Variants in SON observed in about 807,000 individuals in gnomAD.
SON encodes SON DNA and RNA binding protein, also known as protein SON.
SON carries 4 observed loss-of-function variants against 173.3 expected under a neutral mutation model. The observed-to-expected ratio is 0.02, with a 90% CI of 0.01 to 0.05. The LOEUF (loss-of-function observed/expected upper bound fraction) is 0.05. Among genes scored for constraint, SON ranks in the 10% least tolerant of loss-of-function variants. SON has a pLI of 1.00. For missense variants in SON, 2,626 were observed against 3,055.3 expected (o/e 0.86, Z 3.31); for synonymous variants, 1,190 against 1,105.9 (o/e 1.08, Z -1.51).
Position 33,559,729 on chromosome 21 carries a change from A to G in SON, c.6611A>G (p.Glu2204Gly). The change falls in exon 6 of 12, where the codon GAA (glutamate) becomes GGA (glycine). Residue 2204 changes from glutamate to glycine, a missense_variant. Glu to Gly is a moderately conservative substitution (Grantham distance 98). Around this residue, in one of 13 missense-constraint regions of SON, gnomAD observed 75 missense variants for 201.6 expected, o/e 0.37. Transcript: ENST00000356577. This position sits in a 1 kb window ranked among gnomAD's most constrained non-coding sequence, Gnocchi z 4.1. ...GTTCCTGTGGAGAAAAATGGTGAAG[A>G]AAACAAAGATGATGATAATGTTTTC... ...EWVPVEKNGE[E>G]NKDDDNVFSS... 1 of 1,614,192 alleles carries G rather than the reference A, an allele frequency of 6.2e-7. No homozygotes were observed. The highest frequency in any genetic ancestry group is 8.5e-7 in the Non-Finnish European group (1 of 1,180,022).
intron 1 of SON, among the ~76,000 whole-genome samples, chr21:33,544,656 C>T (rs545433465): frequency 6.6e-6 from 1 of 152,252 alleles, no homozygotes; most frequent in Admixed American, 6.5e-5. Context: ...TTTTGGACTT[C>T]TTCATGGCTG....
intron 6 of SON, among the ~76,000 whole-genome samples, chr21:33,562,887 A>C (rs543484956): frequency 2.6e-5 from 4 of 152,174 alleles, no homozygotes; most frequent in South Asian, 2.1e-4. Flanking sequence ...ATTAGTGTGG[A>C]GTTTTCATGG....
intron 2 of SON, 41 bp from the exon 3 acceptor site, chr21:33,549,435 T>A: frequency 6.7e-7 from 1 of 1,481,744 alleles, no homozygotes; most frequent in South Asian, 1.4e-5. Context: ...CTAACTCTAC[T>A]TTGGGGAATG....
intron 6 of SON, among the ~76,000 whole-genome samples, chr21:33,561,380 T>G (rs993425528): frequency 2.8e-4 from 42 of 152,306 alleles, no homozygotes; most frequent in African/African-American, 9.4e-4. Context: ...ACAGGCTTAC[T>G]TAGAAATCCT....
intron 6 of SON, among the ~76,000 whole-genome samples, chr21:33,565,123 G>C (rs1023765912): frequency 6.6e-6 from 1 of 152,112 alleles, no homozygotes; most frequent in Non-Finnish European, 1.5e-5. Context: ...TAGGTTAAAC[G>C]TTTAATAAAG....
In SON at chr21:33,545,519, T is replaced by C. The variant is rs145971263; in HGVS notation, c.78-694T>C. Among the ~76,000 whole-genome samples the C allele has an allele frequency of 2.6e-3, 402 of 152,370 alleles. 19 individuals carry two copies. In the East Asian group the frequency reaches 0.062, roughly 24 times the overall value. On this transcript the variant is annotated intron_variant, in intron 1 of 11. Transcript: ENST00000356577. ...AGTAAAAATTACTGGGCGAATGATA[T>C]GTTCTTACCTATTTAAAAATTTCTC...
In SON at chr21:33,554,694, A is replaced by G. The variant is rs2085918301; in HGVS notation, c.5463A>G (p.Ser1821=). The G allele has an allele frequency of 2.5e-6, 4 of 1,613,874 alleles. No individual in the cohort carries two copies. Among genetic ancestry groups the G allele is most frequent in the African/African-American group, 1.3e-5 (1 of 74,944 alleles). The change falls in exon 3 of 12, where the codon TCA becomes TCG. Residue 1821 remains serine (S), a synonymous_variant. Coordinates refer to ENST00000356577, the MANE Select transcript of SON (RefSeq NM_138927.4). ...KGEKEKKRDS[S]LRSRSKRSKS... is the part of the protein sequence containing the mutation. ...AGAAAGAGAAGAAAAGAGACTCTTC[A>G]TTAAGATCTCGAAGTAAGCGTTCCA...
intron 6 of SON, chr21:33,561,002 T>G (rs536141652): frequency 6.6e-6 from 1 of 152,342 alleles, no homozygotes; most frequent in South Asian, 2.1e-4. Flanking sequence ...AGAAACTTTT[T>G]GATAGCAGTA....
In SON at chr21:33,576,681, A is replaced by AAT. The variant is rs1310057262; in HGVS notation, c.*258_*259dup. On this transcript the variant is annotated 3_prime_UTR_variant, in exon 12 of 12. Transcript: ENST00000356577. ...CAATTTAAGACATTGTGTAAAAAGC[A>AAT]ATCTGTAAAAACATCTCCAGGCTTT... 2 of 571,980 alleles carry AAT rather than the reference A, an allele frequency of 3.5e-6. 1 individual carries two copies. Among genetic ancestry groups the AAT allele is most frequent in the East Asian group, 6.4e-5 (2 of 31,178 alleles). The allele number at this position is 571,980 out of a possible 1,614,324, so 35.4% of individuals were successfully genotyped here. A position where few individuals can be genotyped will look rare whatever the true frequency, so the allele number is the denominator to read the frequency against.
intron 6 of SON, chr21:33,560,211 T>G: frequency 6.5e-7 from 1 of 1,533,256 alleles, no homozygotes; most frequent in Non-Finnish European, 8.7e-7. Context: ...AAAAGGTCAT[T>G]GTAGGTTGAT....
Position 33,559,259 on chromosome 21 carries a change from AGAT to A in SON, c.6359_6361del (p.Asp2120del), listed in dbSNP as rs1382729194. 4 of 1,601,208 alleles carry A rather than the reference AGAT, an allele frequency of 2.5e-6. No homozygotes were observed. The highest frequency in any genetic ancestry group is 2.2e-5 in the East Asian group (1 of 44,736). ...GTAAACAGATCGCACAGAGTAAAGA[AGAT>A]GATGATGTAATAGTGAATAAACCTC... On this transcript the variant is annotated inframe_deletion, in exon 5 of 12. Coordinates refer to ENST00000356577, the MANE Select transcript of SON (RefSeq NM_138927.4). This position sits in a 1 kb window ranked among gnomAD's most constrained non-coding sequence, Gnocchi z 4.1.
intron 6 of SON, chr21:33,560,573 T>G (rs569832421): frequency 1.1e-6 from 1 of 944,008 alleles, no homozygotes; most frequent in Non-Finnish European, 1.3e-6. Flanking sequence ...AGACTGTATA[T>G]ATATGTAAAT....
chr21:33,558,959 C>CTTTTTTTTTTT lies in SON; in HGVS notation c.6322-258_6322-248dup, dbSNP rs71194851. On this transcript the variant is annotated intron_variant, in intron 4 of 11. Transcript: ENST00000356577. ...TTGAGAGCAGGGACCATGTCTTCTA[C>CTTTTTTTTTTT]TTTTTTTTTTTTTTTTTTTTTTTGT... The CTTTTTTTTTTT allele has an allele frequency of 1.9e-4, 22 of 118,674 alleles. 1 individual carries two copies. The highest frequency in any genetic ancestry group is 2.1e-4 in the East Asian group (1 of 4,786). The allele number at this position is 118,674 out of a possible 1,614,324, so 7.4% of individuals were successfully genotyped here.
Position 33,553,795 on chromosome 21 carries a change from G to T in SON, c.4564G>T (p.Asp1522Tyr). ...EPHAEEHLKG[D>Y]FYESEHGINI... ...ACATGCTGAGGAACACCTGAAAGGT[G>T]ACTTTTACGAAAGTGAACATGGTAT... Residue 1522 changes from aspartate to tyrosine, a missense_variant, in exon 3 of 12, where the codon GAC becomes TAC. Asp to Tyr is a radical substitution (Grantham distance 160, BLOSUM62 -3). This residue lies in a region of SON where 1,006 missense variants were observed against 895.6 expected (regional missense o/e 1.12). Coordinates refer to ENST00000356577, the MANE Select transcript of SON (RefSeq NM_138927.4). 1 of 1,614,018 alleles carries T rather than the reference G, an allele frequency of 6.2e-7. No homozygotes were observed. Among genetic ancestry groups the T allele is most frequent in the Non-Finnish European group, 8.5e-7 (1 of 1,179,962 alleles).
At chr21:33,576,020 G>A in intron 11 of SON, 127 bp downstream of exon 11, 2 of 568,796 alleles carry the variant, frequency 3.5e-6, no homozygotes, top group Non-Finnish European at 6.1e-6. Context: ...GTAGTTAAGT[G>A]GTGGGGTTTT....
chr21:33,550,241 T>C lies in SON; in HGVS notation c.1010T>C (p.Leu337Pro). 1.2e-6 allele frequency: 2 copies of C among 1,614,244 alleles called. No homozygotes were observed. Among genetic ancestry groups the C allele is most frequent in the Non-Finnish European group, 1.7e-6 (2 of 1,180,040 alleles). ...CCAGAGTCATCTGCAATTGAAGCGC[T>C]AAGATTGCCAGAGCAGCCTGTAGAC... The part of the protein sequence containing the change: ...DFPESSAIEA[L>P]RLPEQPVDVP... The change falls in exon 3 of 12, where the codon CTA (leucine) becomes CCA (proline). Residue 337 changes from leucine (L) to proline (P), a missense_variant. Physicochemically the swap from Leu to Pro is moderately conservative, Grantham distance 98 (BLOSUM62 -3). Coordinates refer to ENST00000356577, the MANE Select transcript of SON (RefSeq NM_138927.4).
chr21:33,554,847 AAGC>A lies in SON; in HGVS notation c.5622_5624del (p.Ser1874del), dbSNP rs758608453. On this transcript the variant is annotated inframe_deletion, in exon 3 of 12. Transcript: ENST00000356577. ...GGTCACGTTCAAGACGCAGGAGGAG[AAGC>A]AGCAGATCAAGATCAAAGTCTAGAG... 3.1e-6 allele frequency: 5 copies of A among 1,614,046 alleles called. No individual in the cohort carries two copies. In the South Asian group the frequency reaches 3.3e-5, roughly 11 times the overall value.
chr21:33,572,654 T>C (rs1428852961), intron 8 of SON: 1 of 1,208,364 alleles, frequency 8.3e-7, no homozygotes, highest in South Asian at 1.3e-5. Flanking sequence ...TAAGGAGTTT[T>C]TTAAAAGTCT....
In SON at chr21:33,554,691, T is replaced by C. The variant is rs765111329; in HGVS notation, c.5460T>C (p.Ser1820=). The change falls in exon 3 of 12, where the codon TCT becomes TCC. Residue 1820 remains serine (S), a synonymous_variant. Coordinates refer to ENST00000356577, the MANE Select transcript of SON (RefSeq NM_138927.4). The part of the protein sequence containing the change: ...DKGEKEKKRD[S]SLRSRSKRSK... ...GGGAGAAAGAGAAGAAAAGAGACTC[T>C]TCATTAAGATCTCGAAGTAAGCGTT... 1.2e-6 allele frequency: 2 copies of C among 1,613,932 alleles called. No homozygotes were observed. Among genetic ancestry groups the C allele is most frequent in the Non-Finnish European group, 1.7e-6 (2 of 1,180,028 alleles).
Sources: allele counts gnomAD v4.1 joint callset (sites outside exome capture counted in the v4.1 genomes callset), GRCh38; gene constraint gnomAD v4.1.1; regional missense constraint gnomAD v4.1.1; non-coding constraint Gnocchi (gnomAD v3.1); transcripts MANE v1.5; gene names NCBI Gene and HGNC (gene_info 2026-07-23, HGNC 2026-07-21).